The following WLS variants were observed in gnomAD, a reference collection of about 807,000 sequenced individuals.
WLS encodes protein wntless homolog.
Under a neutral mutation model 62.8 loss-of-function variants are expected in WLS, and 23 were observed. The observed-to-expected ratio is 0.37, with a 90% CI of 0.26 to 0.52. The LOEUF (loss-of-function observed/expected upper bound fraction) is 0.52. Ranked by LOEUF, WLS falls within the 20% of genes least tolerant of loss-of-function variation. WLS has a pLI of 0.92. For missense variants in WLS, 615 were observed against 697.3 expected (o/e 0.88, Z 1.33); for synonymous variants, 246 against 244.1 (o/e 1.01, Z -0.07).
chr1:68,202,813 G>A (rs1321975708), intron 1 of WLS: 1 of 152,204 alleles, frequency 6.6e-6, no homozygotes, highest in Non-Finnish European at 1.5e-5. Flanking sequence ...GTTCTTGTGT[G>A]GGAAATCTCT....
chr1:68,155,837 G>A (rs1410394199), intron 3 of WLS, among the ~76,000 whole-genome samples: 2 of 152,142 alleles, frequency 1.3e-5, no homozygotes, highest in Non-Finnish European at 2.9e-5. Context: ...ATTTAGGGAA[G>A]GTCGAAACAG....
intron 1 of WLS, among the ~76,000 whole-genome samples, chr1:68,222,337 T>G (rs1456531401): frequency 6.6e-6 from 1 of 152,212 alleles, no homozygotes; most frequent in Non-Finnish European, 1.5e-5. Flanking sequence ...GTAGTGTTCC[T>G]TAAAATCCAC....
intron 11 of WLS, among the ~76,000 whole-genome samples, chr1:68,114,991 G>A (rs1646272314): frequency 6.6e-6 from 1 of 152,208 alleles, no homozygotes; most frequent in Non-Finnish European, 1.5e-5. Context: ...GTAGGACTAA[G>A]CTTGGATTAT....
intron 2 of WLS, chr1:68,183,576 A>G (rs1176453792): frequency 1.9e-6 from 1 of 533,156 alleles, no homozygotes; most frequent in South Asian, 1.4e-5. Flanking sequence ...TTTGACTTTC[A>G]TCCTTCTACA....
At position 68,194,071 on chromosome 1, in the gene WLS, T is replaced by C. The variant is rs1345869035; in HGVS notation, c.263A>G (p.Asn88Ser). 2 of 1,614,160 alleles carry C rather than the reference T, an allele frequency of 1.2e-6. No individual in the cohort carries two copies. The highest frequency in any genetic ancestry group is 1.7e-5 in the Admixed American group (1 of 60,022). Residue 88 changes from asparagine to serine, a missense_variant, in exon 2 of 12, where the codon AAT becomes AGT. Asn to Ser is a conservative substitution (Grantham distance 46, BLOSUM62 1). Coordinates refer to ENST00000262348, the MANE Select transcript of WLS (RefSeq NM_024911.7). Reference sequence around the variant, plus strand: ...AATGTGAACAGAAAACACGATGTCATTGGCTTCAATTTCCCTTGGAATTGC... The same window carrying C: ...AATGTGAACAGAAAACACGATGTCACTGGCTTCAATTTCCCTTGGAATTGC... The part of the protein sequence containing the change: ...EEAIPREIEA[N>S]DIVFSVHIPL...
At chr1:68,098,895 G>A (rs1415585061) in intron 11 of WLS, 46 of 1,300,220 alleles carry the variant, frequency 3.5e-5, no homozygotes, top group Non-Finnish European at 4.5e-5. Context: ...AATTTGTTTA[G>A]GACTGTGTCC....
At chr1:68,148,477 C>G in intron 7 of WLS, 86 bp downstream of exon 7, 1 of 1,409,656 alleles carries the variant, frequency 7.1e-7, no homozygotes, top group South Asian at 1.2e-5. Context: ...GACCACCATT[C>G]TCCTTTTCAA....
chr1:68,222,928 G>A (rs1200854878), intron 1 of WLS, among the ~76,000 whole-genome samples: 3 of 144,802 alleles, frequency 2.1e-5, no homozygotes, highest in African/African-American at 7.6e-5. Context: ...TGGGGGTGGG[G>A]GGCAGGGGTG....
At chr1:68,142,398 G>A (rs1646698285) in intron 10 of WLS, among the ~76,000 whole-genome samples, 1 of 152,180 alleles carries the variant, frequency 6.6e-6, no homozygotes. Flanking sequence ...AGTGCTCTGT[G>A]CCCTCTCAGC....
chr1:68,219,487 C>A (rs935948088), intron 1 of WLS, among the ~76,000 whole-genome samples: 1 of 152,152 alleles, frequency 6.6e-6, no homozygotes, highest in South Asian at 2.1e-4. Context: ...TAAAAACCCT[C>A]CTCCCATTTA....
chr1:68,213,705 C>T (rs919722010), intron 1 of WLS, among the ~76,000 whole-genome samples: 2 of 152,020 alleles, frequency 1.3e-5, no homozygotes, highest in African/African-American at 4.8e-5. Flanking sequence ...AAAAAATTAT[C>T]TGATCTAAAA....
At position 68,144,655 on chromosome 1, in the gene WLS, A is replaced by G. The variant is rs1405067052; in HGVS notation, c.1279-3T>C. The G allele has an allele frequency of 6.2e-7, 1 of 1,612,666 alleles. No homozygotes were observed. The highest frequency in any genetic ancestry group is 2.2e-5 in the East Asian group (1 of 44,862). ...AACTTGAACCTAAAAATTAGCCCCT[A>G]TTAGAAAAGAAAGAGTAGTTTAATA... On this transcript the variant is annotated splice_polypyrimidine_tract_variant and splice_region_variant and intron_variant, in intron 9 of 11. Transcript: ENST00000262348.
intron 1 of WLS, among the ~76,000 whole-genome samples, chr1:68,217,908 C>T (rs950201938): frequency 3.3e-5 from 5 of 152,168 alleles, no homozygotes; most frequent in African/African-American, 1.2e-4. Context: ...GGGCTTCAGT[C>T]CCAGTTCCCA....
intron 1 of WLS, among the ~76,000 whole-genome samples, chr1:68,204,598 C>A (rs1181359552): frequency 6.6e-6 from 1 of 152,136 alleles, no homozygotes; most frequent in Non-Finnish European, 1.5e-5. Context: ...TGAGCCACCG[C>A]GCCCGGCCGG....
chr1:68,224,068 G>A (rs1258605592), intron 1 of WLS, among the ~76,000 whole-genome samples: 1 of 152,144 alleles, frequency 6.6e-6, no homozygotes, highest in African/African-American at 2.4e-5. Context: ...CTGCTTTCTT[G>A]GAAATGTGTA....
intron 11 of WLS, among the ~76,000 whole-genome samples, chr1:68,110,861 G>C (rs900602539): frequency 6.6e-6 from 1 of 151,880 alleles, no homozygotes; most frequent in Non-Finnish European, 1.5e-5. Flanking sequence ...AATTAAAGAG[G>C]CTCCTTATTC....
intron 11 of WLS, among the ~76,000 whole-genome samples, chr1:68,116,961 C>G (rs2986217): frequency 0.38 from 58,097 of 151,782 alleles, 11,706 homozygotes; most frequent in East Asian, 0.81. Context: ...TGAACCTGTA[C>G]GACTGGCCCC....
downstream of WLS, among the ~76,000 whole-genome samples, chr1:68,123,555 T>C (rs1021238965): frequency 6.6e-6 from 1 of 152,090 alleles, no homozygotes; most frequent in African/African-American, 2.4e-5. Context: ...CTCAAAGAGA[T>C]GGCTTTTAAA....
At chr1:68,127,761 C>T (rs144285254) in intron 11 of WLS, among the ~76,000 whole-genome samples, 13 of 152,152 alleles carry the variant, frequency 8.5e-5, no homozygotes, top group Admixed American at 8.5e-4. Flanking sequence ...AATGCCATAC[C>T]ATAACTTAGA....
Sources: gnomAD v4.1 joint callset for allele counts (sites outside exome capture counted in the v4.1 genomes callset) on GRCh38, gnomAD v4.1.1 for gene constraint, MANE v1.5 for transcripts, NCBI Gene and HGNC (gene_info 2026-07-23, HGNC 2026-07-21) for gene names.